Variants in IL6R observed in about 807,000 individuals in gnomAD.
The protein encoded by IL6R is interleukin-6 receptor subunit alpha.
Under a neutral mutation model 48.3 loss-of-function variants are expected in IL6R, and 38 were observed. The ratio of observed to expected loss-of-function variants is 0.79; its 90% CI spans 0.61 to 1.03. IL6R has a LOEUF of 1.03. IL6R is among the 50% of genes least tolerant of loss of function. The pLI is 0.00. For missense variants in IL6R, 534 were observed against 618.3 expected (o/e 0.86, Z 1.45); for synonymous variants, 264 against 256.2 (o/e 1.03, Z -0.29).
intron 1 of IL6R, among the ~76,000 whole-genome samples, chr1:154,419,223 T>C (rs1365592379): frequency 2.0e-5 from 3 of 152,152 alleles, no homozygotes; most frequent in Non-Finnish European, 4.4e-5. Flanking sequence ...GTGAGTAGTG[T>C]GCTCTTAGGG....
At chr1:154,442,366 T>C (rs1383169097) in intron 6 of IL6R, among the ~76,000 whole-genome samples, 2 of 151,942 alleles carry the variant, frequency 1.3e-5, no homozygotes, top group African/African-American at 2.4e-5. Context: ...AAAATGGGGA[T>C]TGTAGGCAGA....
At chr1:154,422,669 C>T (rs911040660) in intron 1 of IL6R, among the ~76,000 whole-genome samples, 22 of 152,226 alleles carry the variant, frequency 1.4e-4, no homozygotes, top group African/African-American at 1.4e-4. Flanking sequence ...CAATTGCTCA[C>T]GGACAAATGC....
At position 154,405,967 on chromosome 1, in the gene IL6R, G is replaced by A. The variant is rs1687687260; in HGVS notation, c.85+253G>A. Among the ~76,000 whole-genome samples, 1 of 152,180 alleles carries A rather than the reference G, an allele frequency of 6.6e-6. No homozygotes were observed. Among genetic ancestry groups the A allele is most frequent in the South Asian group, 2.1e-4 (1 of 4,836 alleles). On this transcript the variant is annotated intron_variant, in intron 1 of 9. Transcript: ENST00000368485. The surrounding 1 kb of genome is among the most constrained non-coding windows in gnomAD (Gnocchi z 5.2). ...CCCGGTGAAGCTGTGCGGGAACCCTGCGGTCTGTGTACAGGACTGTGTCCT... is the reference window on the plus strand; with the variant it reads ...CCCGGTGAAGCTGTGCGGGAACCCTACGGTCTGTGTACAGGACTGTGTCCT...
At chr1:154,406,186 C>G (rs190129913) in intron 1 of IL6R, among the ~76,000 whole-genome samples, 1 of 152,084 alleles carries the variant, frequency 6.6e-6, no homozygotes, top group African/African-American at 2.4e-5. Context: ...GGTCCTCCCC[C>G]CACCCCCGCG....
At chr1:154,421,557 G>A (rs1688664812) in intron 1 of IL6R, among the ~76,000 whole-genome samples, 1 of 152,144 alleles carries the variant, frequency 6.6e-6, no homozygotes. Flanking sequence ...TTCCCCTGTA[G>A]GTCTTCCTTC....
chr1:154,446,346 G>A (rs1690227708), intron 6 of IL6R, among the ~76,000 whole-genome samples: 1 of 152,120 alleles, frequency 6.6e-6, no homozygotes, highest in African/African-American at 2.4e-5. Flanking sequence ...CTGCTGGTGT[G>A]TGGTTTCCCC....
intron 9 of IL6R, among the ~76,000 whole-genome samples, chr1:154,461,551 T>G (rs763002381): frequency 1.3e-5 from 2 of 152,238 alleles, no homozygotes; most frequent in Non-Finnish European, 2.9e-5. Flanking sequence ...TACCCGCCGG[T>G]TATTCCTAGG....
intron 3 of IL6R, among the ~76,000 whole-genome samples, chr1:154,431,302 A>G (rs1478952480): frequency 1.3e-5 from 2 of 152,200 alleles, no homozygotes; most frequent in Non-Finnish European, 2.9e-5. Flanking sequence ...GCTGGTCTCC[A>G]TCCCAGAGCC....
At position 154,431,079 on chromosome 1, in the gene IL6R, G is replaced by A. The variant is rs146922583; in HGVS notation, c.458+473G>A. Among the ~76,000 whole-genome samples, 1,081 of 152,204 alleles carry A rather than the reference G, an allele frequency of 7.1e-3. 13 individuals are homozygous for A. The highest frequency in any genetic ancestry group is 0.024 in the African/African-American group (1,012 of 41,518). ...TATCAGTGTCTGGGCCCTTGTGGGC[G>A]TATCAGGCTATTTCCATGATAAAGA... On this transcript the variant is annotated intron_variant, in intron 3 of 9. Coordinates refer to ENST00000368485, the MANE Select transcript of IL6R (RefSeq NM_000565.4).
At chr1:154,439,832 C>G (rs1345602531) in intron 6 of IL6R, among the ~76,000 whole-genome samples, 1 of 152,134 alleles carries the variant, frequency 6.6e-6, no homozygotes, top group Non-Finnish European at 1.5e-5. Context: ...ACTTCATTTG[C>G]TTGCTTGCTT....
At chr1:154,459,850 A>C (rs985727867) in intron 9 of IL6R, among the ~76,000 whole-genome samples, 3 of 152,182 alleles carry the variant, frequency 2.0e-5, no homozygotes, top group African/African-American at 7.2e-5. Flanking sequence ...AGCTTACATC[A>C]TTAAGTGAGG....
chr1:154,447,438 CAAA>C lies in IL6R; in HGVS notation c.950-672_950-670del, dbSNP rs201893129. Among the ~76,000 whole-genome samples the C allele has an allele frequency of 1.1e-3, 41 of 38,412 alleles. 3 individuals carry two copies. The highest frequency in any genetic ancestry group is 5.3e-3 in the East Asian group (8 of 1,522). 25.2% of individuals were successfully genotyped at this position (38,412 alleles called of 152,430 possible). On this transcript the variant is annotated intron_variant, in intron 6 of 9. Transcript: ENST00000368485. ...TGGGCAAAAGAGTGAAACTCCATCT[CAAA>C]AAAAAAAAAAAAAATATATATATAT...
At chr1:154,440,264 C>G (rs1272648574) in intron 6 of IL6R, among the ~76,000 whole-genome samples, 1 of 152,110 alleles carries the variant, frequency 6.6e-6, no homozygotes, top group Non-Finnish European at 1.5e-5. Flanking sequence ...GAATAATATT[C>G]CATTGTGTAG....
intron 1 of IL6R, chr1:154,414,311 A>G: frequency 1.2e-6 from 1 of 852,908 alleles, no homozygotes; most frequent in Non-Finnish European, 1.8e-6. Flanking sequence ...GAAACCTTGC[A>G]CTGTAACTGT....
intron 8 of IL6R, 60 bp from the exon 9 acceptor site, chr1:154,454,428 A>G (rs932644440): frequency 2.0e-5 from 22 of 1,107,312 alleles, no homozygotes; most frequent in Middle Eastern, 4.1e-4. Flanking sequence ...TTCTCCTCCT[A>G]TTCCTTTTTC....
chr1:154,442,471 GT>G (rs1689990904), intron 6 of IL6R, among the ~76,000 whole-genome samples: 1 of 152,182 alleles, frequency 6.6e-6, no homozygotes, highest in African/African-American at 2.4e-5. Flanking sequence ...AGTGGGACAG[GT>G]GGAGGCCGGC....
chr1:154,463,807 T>G (rs894812016), intron 9 of IL6R, among the ~76,000 whole-genome samples: 3 of 152,202 alleles, frequency 2.0e-5, no homozygotes, highest in African/African-American at 7.2e-5. Context: ...GGGCCCAGAG[T>G]GGAGCACTGT....
At chr1:154,436,177 A>G (rs1262390365) in intron 6 of IL6R, 67 bp downstream of exon 6, 10 of 1,513,658 alleles carry the variant, frequency 6.6e-6, no homozygotes, top group South Asian at 3.8e-5. Context: ...ATCCATTGCT[A>G]TGTGACAAGT....
chr1:154,441,666 G>GT (rs1689943214), intron 6 of IL6R, among the ~76,000 whole-genome samples: 2 of 152,144 alleles, frequency 1.3e-5, no homozygotes, highest in South Asian at 4.1e-4. Flanking sequence ...TTATTTGGCT[G>GT]TTAGGGACGC....
Sources: gnomAD v4.1 joint callset for allele counts (sites outside exome capture counted in the v4.1 genomes callset) on GRCh38, gnomAD v4.1.1 for gene constraint, Gnocchi (gnomAD v3.1) non-coding constraint, MANE v1.5 for transcripts, NCBI Gene and HGNC (gene_info 2026-07-23, HGNC 2026-07-21) for gene names.